Variants in MTMR9 observed in about 807,000 individuals in gnomAD.
MTMR9 encodes myotubularin related protein 9.
MTMR9 carries 39 observed loss-of-function variants against 69.5 expected under a neutral mutation model. The ratio of observed to expected loss-of-function variants is 0.56; its 90% confidence interval spans 0.43 to 0.73. MTMR9 has a LOEUF of 0.73. Among genes scored for constraint, MTMR9 ranks in the 30% least tolerant of loss-of-function variants. MTMR9 has a pLI of 0.00. For synonymous variants in MTMR9, 354 were observed against 240.8 expected, an observed-to-expected ratio of 1.47 and a Z score of -4.35; for missense variants, 900 against 671.2, an observed-to-expected ratio of 1.34 and a Z score of -3.77.
chr8:11,330,869 C>T (rs2117497109), downstream of MTMR9: 14 of 773,582 alleles, frequency 1.8e-5, no homozygotes, highest in South Asian at 2.7e-4. Context: ...TGTCCTATGA[C>T]CCTGCCAAAT....
chr8:11,333,785 T>C, the MTMR9 span, among the ~76,000 whole-genome samples: 1 of 152,222 alleles, frequency 6.6e-6, no homozygotes, highest in Admixed American at 6.5e-5. Context: ...TGGTAGACAG[T>C]AACTCAAACC....
At chr8:11,317,559 G>T (rs1049209081) in intron 8 of MTMR9, 2 of 152,118 alleles carry the variant, frequency 1.3e-5, no homozygotes, top group Non-Finnish European at 2.9e-5. Flanking sequence ...GCGCTCATCT[G>T]CCACTCACCT....
rs567491887 is a variant in MTMR9 at position 11,312,526 on chromosome 8, C to T, written c.972-2397C>T. Among the ~76,000 whole-genome samples the T allele has an allele frequency of 3.9e-5, 6 of 152,298 alleles. No individual in the cohort carries two copies. In the East Asian group the frequency reaches 1.2e-3, roughly 29 times the overall value. ...CATGCCCCACCTTCAGGTTCCACTT[C>T]TAATTCTAGTTCTTTTGCTATTTCT... is the stretch of plus-strand genomic sequence containing the variant. On this transcript the variant is annotated intron_variant, in intron 6 of 9. Coordinates refer to ENST00000221086, the MANE Select transcript of MTMR9 (RefSeq NM_015458.4).
chr8:11,307,164 C>G (rs1396337835), intron 5 of MTMR9, among the ~76,000 whole-genome samples: 2 of 152,126 alleles, frequency 1.3e-5, no homozygotes, highest in African/African-American at 4.8e-5. Context: ...CTCTGCCTCC[C>G]AGGTTCAAGT....
intron 4 of MTMR9, 108 bp from the exon 5 acceptor site, chr8:11,306,082 G>A (rs1359450267): frequency 1.2e-6 from 1 of 847,190 alleles, no homozygotes; most frequent in Non-Finnish European, 1.9e-6. Context: ...CATCTGCAGA[G>A]TGTCACACAA....
At chr8:11,287,867 A>G (rs1790144572) in intron 1 of MTMR9, among the ~76,000 whole-genome samples, 1 of 110,220 alleles carries the variant, frequency 9.1e-6, no homozygotes, top group Non-Finnish European at 1.6e-5. Flanking sequence ...TATATATTAT[A>G]TTATAATATA....
intron 1 of MTMR9, among the ~76,000 whole-genome samples, chr8:11,293,620 A>G (rs1369327433): frequency 6.6e-6 from 1 of 152,130 alleles, no homozygotes; most frequent in Non-Finnish European, 1.5e-5. Flanking sequence ...TATCTAAGAA[A>G]CCATTGCCTC....
intron 2 of MTMR9, among the ~76,000 whole-genome samples, chr8:11,299,033 C>T (rs1002365281): frequency 6.6e-6 from 1 of 152,140 alleles, no homozygotes; most frequent in Non-Finnish European, 1.5e-5. Flanking sequence ...TAGAGCATGT[C>T]ATAGCTGAAA....
intron 8 of MTMR9, 133 bp from the exon 9 acceptor site, chr8:11,319,554 A>G (rs1563285867): frequency 2.3e-6 from 2 of 883,180 alleles, no homozygotes; most frequent in Non-Finnish European, 3.4e-6. Flanking sequence ...ATTTTTCAAC[A>G]CTTTGTTTCT....
rs746082701 is a variant in MTMR9, at chr8:11,322,720, A to G, written c.1582A>G (p.Lys528Glu). Residue 528 changes from lysine (K) to glutamate (E), a missense_variant, in exon 10 of 10, where the codon AAA becomes GAA. By Grantham distance (56) the Lys-to-Glu change is moderately conservative. Coordinates refer to ENST00000221086, the MANE Select transcript of MTMR9 (RefSeq NM_015458.4). Reference sequence around the variant, plus strand: ...TGAATATAATAAAGAATTACAAGCAAAAGTCAATATCCTTCGAAGGCAGTT... The same window carrying G: ...TGAATATAATAAAGAATTACAAGCAGAAGTCAATATCCTTCGAAGGCAGTT... ...IIEYNKELQA[K>E]VNILRRQLAE... is the part of the protein sequence containing the mutation. 17 of 1,614,044 alleles carry G rather than the reference A, an allele frequency of 1.1e-5. No individual in the cohort carries two copies. In the South Asian group the frequency reaches 1.9e-4, roughly 18 times the overall value.
In MTMR9 at chr8:11,295,345, A is replaced by G. The variant is rs1022077952; in HGVS notation, c.291+43A>G. 11 of 1,092,706 alleles carry G rather than the reference A, an allele frequency of 1.0e-5. No homozygotes were observed. In the African/African-American group the frequency reaches 1.6e-4, roughly 15 times the overall value. 67.7% of individuals were successfully genotyped at this position (1,092,706 alleles called of 1,614,324 possible). A position where few individuals can be genotyped will look rare whatever the true frequency, so the allele number is the denominator to read the frequency against. On this transcript the variant is annotated intron_variant, in intron 2 of 9. Coordinates refer to ENST00000221086, the MANE Select transcript of MTMR9 (RefSeq NM_015458.4). ...AAAATCTAATGAAACATAATTTTAT[A>G]TTATGACTCAGTGTAGCTCTTCCAT... is the stretch of plus-strand genomic sequence containing the variant.
chr8:11,330,247 G>A (rs1325654318), downstream of MTMR9, among the ~76,000 whole-genome samples: 27 of 151,642 alleles, frequency 1.8e-4, no homozygotes, highest in African/African-American at 6.3e-4. Flanking sequence ...GAGGGAGGTG[G>A]AGGGTCAGCC....
At chr8:11,297,896 A>T (rs749605260) in intron 2 of MTMR9, 13 of 456,188 alleles carry the variant, frequency 2.8e-5, no homozygotes, top group Non-Finnish European at 5.7e-5. Flanking sequence ...TTTTCCTGGC[A>T]CAGAATCCCT....
chr8:11,311,961 C>T (rs2117430064), intron 6 of MTMR9, among the ~76,000 whole-genome samples: 1 of 149,504 alleles, frequency 6.7e-6, no homozygotes, highest in South Asian at 2.1e-4. Flanking sequence ...TACTACTTTT[C>T]TTGCTCATCC....
At chr8:11,312,028 C>A (rs1352176724) in intron 6 of MTMR9, among the ~76,000 whole-genome samples, 3 of 152,028 alleles carry the variant, frequency 2.0e-5, no homozygotes, top group Non-Finnish European at 4.4e-5. Flanking sequence ...GCAATTCAGT[C>A]AAATCTTCAG....
intron 4 of MTMR9, among the ~76,000 whole-genome samples, chr8:11,305,683 C>A (rs1032000364): frequency 3.9e-5 from 6 of 152,144 alleles, no homozygotes; most frequent in African/African-American, 1.4e-4. Context: ...TGGTAGAGGC[C>A]ACTGGAGAAT....
rs1445693148 is a variant in MTMR9, at chr8:11,304,845, G to T, written c.422G>T (p.Ser141Ile). ...GAAGTATTTTGTGTTTTTCAGACCA[G>T]TGAATGGAGGCTAAGCTATGTCAAT... ...QEFELYSSATSEWRLSYVNKE... is the reference protein window; with the variant it reads ...QEFELYSSATIEWRLSYVNKE... The change falls in exon 4 of 10, where the codon AGT (serine) becomes ATT (isoleucine). Residue 141 changes from serine to isoleucine, a missense_variant. Ser to Ile is a moderately radical substitution (Grantham distance 142). Transcript: ENST00000221086. The T allele has an allele frequency of 1.2e-6, 2 of 1,613,522 alleles. No individual in the cohort carries two copies. The highest frequency in any genetic ancestry group is 8.5e-7 in the Non-Finnish European group (1 of 1,179,776).
rs1020519953 is a variant in MTMR9 at position 11,328,126 on chromosome 8, T to G, written c.*5338T>G. ...ACGATGGTAATAAAATCTGAATATA[T>G]TTAAGTGCTAATAAATTAAATCTGT... On this transcript the variant is annotated 3_prime_UTR_variant, in exon 10 of 10. Coordinates refer to ENST00000221086, the MANE Select transcript of MTMR9 (RefSeq NM_015458.4). The G allele has an allele frequency of 6.6e-6, 1 of 151,696 alleles. No individual in the cohort carries two copies. Among genetic ancestry groups the G allele is most frequent in the Non-Finnish European group, 1.5e-5 (1 of 68,004 alleles). The allele number at this position is 151,696 out of a possible 1,614,324, so 9.4% of individuals were successfully genotyped here.
At chr8:11,287,798 CATATTATATAATACATATAAT>C (rs1206830414) in intron 1 of MTMR9, among the ~76,000 whole-genome samples, 8 of 18,024 alleles carry the variant, frequency 4.4e-4, no homozygotes, top group Non-Finnish European at 5.7e-4. Context: ...ATATATAATA[CATATTATATAATACATATAAT>C]ATATAATATA....
Sources: gnomAD v4.1 joint callset for allele counts (sites outside exome capture counted in the v4.1 genomes callset) on GRCh38, gnomAD v4.1.1 for gene constraint, MANE v1.5 for transcripts, NCBI Gene and HGNC (gene_info 2026-07-23, HGNC 2026-07-21) for gene names.